The following MAPKBP1 variants were observed in gnomAD, a reference collection of about 807,000 sequenced individuals.
MAPKBP1 encodes the protein mitogen-activated protein kinase binding protein 1.
In MAPKBP1, 71 loss-of-function variants were observed where a neutral mutation model predicts 170.5. That is an observed-to-expected ratio of 0.42 (90% CI 0.34 to 0.51). The LOEUF (loss-of-function observed/expected upper bound fraction) is 0.51, where lower values mean the gene tolerates loss of function less well. Among genes scored for constraint, MAPKBP1 ranks in the 20% least tolerant of loss-of-function variants. The probability of loss-of-function intolerance (pLI) is 0.06; values close to 1 mark genes in which losing one functional copy is unlikely to be tolerated. For missense variants in MAPKBP1, 1,598 were observed against 1,933.0 expected (o/e 0.83, Z 3.25); for synonymous variants, 719 against 757.9 (o/e 0.95, Z 0.84).
intron 2 of MAPKBP1, among the ~76,000 whole-genome samples, chr15:41,775,793 A>G (rs968210538): frequency 2.6e-5 from 4 of 152,206 alleles, no homozygotes; most frequent in African/African-American, 9.7e-5. Context: ...GTTATGTAAG[A>G]CTGTAGTGGC....
chr15:41,827,031 C>G lies in MAPKBP1; in HGVS notation c.*1595C>G, dbSNP rs1596106046. ...GGGTTCTGGGCCAGGTGTGGTGGCT[C>G]AAGCCTGTAATCCCAGCACTTTGGG... On this transcript the variant is annotated 3_prime_UTR_variant, in exon 31 of 31. Transcript: ENST00000457542. 6.6e-6 allele frequency: 1 copy of G among 152,232 alleles called. No homozygotes were observed. The highest frequency in any genetic ancestry group is 2.4e-5 in the African/African-American group (1 of 41,410). The allele number at this position is 152,232 out of a possible 1,614,324, so 9.4% of individuals were successfully genotyped here.
Position 41,818,464 on chromosome 15 carries a change from G to A in MAPKBP1, c.2093-55G>A. The A allele has an allele frequency of 6.4e-7, 1 of 1,562,438 alleles. No homozygotes were observed. The highest frequency in any genetic ancestry group is 8.8e-7 in the Non-Finnish European group (1 of 1,139,652). On this transcript the variant is annotated intron_variant, in intron 18 of 30. Transcript: ENST00000457542. The surrounding 1 kb of genome is among the most constrained non-coding windows in gnomAD (Gnocchi z 5.2). ...CCCGTGTCCACTGTTGGGATGGAGA[G>A]GACTTGGTTGGGAATTTAAGGTGGC...
rs375342618 is a variant in MAPKBP1 at position 41,812,523 on chromosome 15, T to C, written c.506T>C (p.Ile169Thr). The change falls in exon 7 of 31, where the codon ATT (isoleucine) becomes ACT (threonine). Residue 169 changes from isoleucine to threonine, a missense_variant. This residue lies in a region of MAPKBP1 where 11 missense variants were observed against 39.6 expected (regional missense o/e 0.28). Coordinates refer to ENST00000457542, the MANE Select transcript of MAPKBP1 (RefSeq NM_014994.3). ...CTTTGGCATCCCCTCCAGAAAAACA[T>C]TGTGGTGGCCTCCAACAAGGTGTCC... ...IVNVWAWKKN[I>T]VVASNKVSSR... 8 of 1,614,112 alleles carry C rather than the reference T, an allele frequency of 5.0e-6. No homozygotes were observed. In the African/African-American group the frequency reaches 5.3e-5, roughly 11 times the overall value.
Position 41,817,608 on chromosome 15 carries a change from C to T in MAPKBP1, c.1783-6C>T, listed in dbSNP as rs2152081545. 2 of 1,614,206 alleles carry T rather than the reference C, an allele frequency of 1.2e-6. No individual in the cohort carries two copies. The highest frequency in any genetic ancestry group is 1.7e-6 in the Non-Finnish European group (2 of 1,180,038). On this transcript the variant is annotated splice_region_variant and splice_polypyrimidine_tract_variant and intron_variant, in intron 15 of 30. Coordinates refer to ENST00000457542, the MANE Select transcript of MAPKBP1 (RefSeq NM_014994.3). The surrounding 1 kb of genome is among the most constrained non-coding windows in gnomAD (Gnocchi z 4.2). ...GTGGGCCTGCCCACATGCTCCACCC[C>T]TGCAGTCTGGAGATGGAGTGCAGTT...
intron 21 of MAPKBP1, 30 bp downstream of exon 21, chr15:41,819,409 A>C (rs1405772363): frequency 5.0e-6 from 8 of 1,612,620 alleles, no homozygotes. Context: ...GGGGGCAGAC[A>C]GGCCCTAGTT....
intron 26 of MAPKBP1, 43 bp from the exon 27 acceptor site, chr15:41,822,550 G>A: frequency 6.2e-7 from 1 of 1,609,598 alleles, no homozygotes; most frequent in Non-Finnish European, 8.5e-7. Flanking sequence ...TGGGGCAAGG[G>A]CTTGGTTTTT....
rs755282871 is a variant in MAPKBP1, at chr15:41,823,546, G to C, written c.3698G>C (p.Gly1233Ala). 6.2e-7 allele frequency: 1 copy of C among 1,614,018 alleles called. No homozygotes were observed. The highest frequency in any genetic ancestry group is 1.7e-5 in the Admixed American group (1 of 60,002). ...DGLGSLPPAD[G>A]RPSRPHSYQN... is the part of the protein sequence containing the mutation. ...CTGGGCTCCCTGCCCCCAGCTGATGGCCGTCCGTCTCGGCCTCACTCCTAT... is the reference window on the plus strand; with the variant it reads ...CTGGGCTCCCTGCCCCCAGCTGATGCCCGTCCGTCTCGGCCTCACTCCTAT... The change falls in exon 29 of 31, where the codon GGC (glycine) becomes GCC (alanine). Residue 1233 changes from glycine to alanine, a missense_variant. Around this residue, in one of 6 missense-constraint regions of MAPKBP1, gnomAD observed 942 missense variants for 953.2 expected, o/e 0.99. Coordinates refer to ENST00000457542, the MANE Select transcript of MAPKBP1 (RefSeq NM_014994.3).
In MAPKBP1 at chr15:41,822,672, A is replaced by C; in HGVS notation, c.3309A>C (p.Pro1103=). 6.2e-7 allele frequency: 1 copy of C among 1,613,716 alleles called. No individual in the cohort carries two copies. Among genetic ancestry groups the C allele is most frequent in the Non-Finnish European group, 8.5e-7 (1 of 1,179,866 alleles). Residue 1103 remains proline, a synonymous_variant, in exon 27 of 31, where the codon CCA becomes CCC. Coordinates refer to ENST00000457542, the MANE Select transcript of MAPKBP1 (RefSeq NM_014994.3). ...SRFLLQVQTR[P]LREPSPSSSS... is the part of the protein sequence containing the mutation. ...TCCTGTTGCAAGTACAGACCCGCCC[A>C]CTCAGGTACAGAGGCCCCCTACCCC... is the stretch of plus-strand genomic sequence containing the variant.
At chr15:41,781,234 C>A (rs1454509997) in intron 2 of MAPKBP1, among the ~76,000 whole-genome samples, 1 of 151,920 alleles carries the variant, frequency 6.6e-6, no homozygotes, top group Non-Finnish European at 1.5e-5. Flanking sequence ...TGCCACCATG[C>A]CTGGCTACTT....
chr15:41,812,826 G>A (rs979340665), intron 7 of MAPKBP1, 93 bp from the exon 8 acceptor site: 2 of 1,475,900 alleles, frequency 1.4e-6, no homozygotes, highest in Admixed American at 2.3e-5. Context: ...GAGCAAGGAG[G>A]TGCTGGAGGC....
At position 41,822,264 on chromosome 15, in the gene MAPKBP1, C is replaced by A; in HGVS notation, c.3071C>A (p.Ser1024Tyr). The change falls in exon 26 of 31, where the codon TCC (serine) becomes TAC (tyrosine). Residue 1024 changes from serine to tyrosine, a missense_variant. This residue lies in a region of MAPKBP1 where 942 missense variants were observed against 953.2 expected (regional missense o/e 0.99). Transcript: ENST00000457542. ...STEPLSVDGI[S>Y]SDLEEPAEGD... is the part of the protein sequence containing the mutation. ...GAGCCCCTCAGTGTGGATGGCATCT[C>A]CTCAGACCTTGAAGAGCCAGCTGAG... The A allele has an allele frequency of 6.2e-7, 1 of 1,614,062 alleles. No individual in the cohort carries two copies. Among genetic ancestry groups the A allele is most frequent in the Admixed American group, 1.7e-5 (1 of 60,012 alleles).
At chr15:41,819,176 T>C in intron 20 of MAPKBP1, 70 bp from the exon 21 acceptor site, 1 of 1,570,720 alleles carries the variant, frequency 6.4e-7, no homozygotes, top group Non-Finnish European at 8.7e-7. Flanking sequence ...CTCTTCCTTC[T>C]TCCCCCACTG....
intron 2 of MAPKBP1, among the ~76,000 whole-genome samples, chr15:41,779,950 T>C (rs1449696543): frequency 6.6e-6 from 1 of 152,228 alleles, no homozygotes; most frequent in African/African-American, 2.4e-5. Context: ...TGATCACCAT[T>C]TCATCCCTCC....
At chr15:41,815,011 T>A (rs904658978) in intron 10 of MAPKBP1, among the ~76,000 whole-genome samples, 1 of 152,188 alleles carries the variant, frequency 6.6e-6, no homozygotes, top group Non-Finnish European at 1.5e-5. Flanking sequence ...TGTACTTGAT[T>A]CACCTAATTG....
chr15:41,786,935 G>A (rs968609414), intron 2 of MAPKBP1, among the ~76,000 whole-genome samples: 16 of 150,834 alleles, frequency 1.1e-4, no homozygotes, highest in African/African-American at 3.9e-4. Flanking sequence ...GTCTTGCTCT[G>A]TCGCCCAGGC....
chr15:41,821,689 G>C lies in MAPKBP1; in HGVS notation c.2824G>C (p.Ala942Pro). The change falls in exon 24 of 31, where the codon GCA becomes CCA. Residue 942 changes from alanine (A) to proline (P), a missense_variant. By Grantham distance (27) the Ala-to-Pro change is conservative. Coordinates refer to ENST00000457542, the MANE Select transcript of MAPKBP1 (RefSeq NM_014994.3). ...EGVFAQDLEP[A>P]PIEDGIVYPE... is the part of the protein sequence containing the mutation. ...GGTCTTTGCCCAAGATCTGGAACCT[G>C]CACCCATTGAAGATGGTATTGTCTA... 6.2e-7 allele frequency: 1 copy of C among 1,614,174 alleles called. No individual in the cohort carries two copies. The highest frequency in any genetic ancestry group is 8.5e-7 in the Non-Finnish European group (1 of 1,180,024).
intron 11 of MAPKBP1, 47 bp from the exon 12 acceptor site, chr15:41,815,577 T>C: frequency 1.3e-6 from 2 of 1,587,002 alleles, no homozygotes; most frequent in Non-Finnish European, 1.7e-6. Context: ...CTTGCAGCTG[T>C]ACTGGTCAGG....
At position 41,815,444 on chromosome 15, in the gene MAPKBP1, T is replaced by C; in HGVS notation, c.1317+39T>C. ...CTGTGGGGCCCCGCTTCACCCTCAG[T>C]GCCCCCATCCCCACAGCTATTGCAC... On this transcript the variant is annotated intron_variant, in intron 11 of 30. Coordinates refer to ENST00000457542, the MANE Select transcript of MAPKBP1 (RefSeq NM_014994.3). 4 of 1,609,270 alleles carry C rather than the reference T, an allele frequency of 2.5e-6. No homozygotes were observed. In the South Asian group the frequency reaches 4.4e-5, roughly 18 times the overall value.
chr15:41,809,403 T>G (rs2064764702), intron 3 of MAPKBP1, among the ~76,000 whole-genome samples: 1 of 152,158 alleles, frequency 6.6e-6, no homozygotes, highest in Non-Finnish European at 1.5e-5. Flanking sequence ...TGTCCCCAAA[T>G]TTGCATATCA....
Sources: gnomAD v4.1 joint callset for allele counts (sites outside exome capture counted in the v4.1 genomes callset) on GRCh38, gnomAD v4.1.1 for gene constraint, gnomAD v4.1.1 regional missense constraint, Gnocchi (gnomAD v3.1) non-coding constraint, MANE v1.5 for transcripts, NCBI Gene and HGNC (gene_info 2026-07-23, HGNC 2026-07-21) for gene names.